Variants in SLC18A1 observed in about 807,000 individuals in gnomAD.
The protein encoded by SLC18A1 is solute carrier family 18 member A1.
Under a neutral mutation model 53.7 loss-of-function variants are expected in SLC18A1, and 69 were observed. The ratio of observed to expected loss-of-function variants is 1.28; its 90% confidence interval spans 1.06 to 1.57. The LOEUF (loss-of-function observed/expected upper bound fraction) is 1.57, where lower values mean the gene tolerates loss of function less well. Among genes scored for constraint, SLC18A1 ranks in the 40% most tolerant of loss-of-function variants. The probability of loss-of-function intolerance (pLI) is 0.00; values close to 1 mark genes in which losing one functional copy is unlikely to be tolerated. For synonymous variants in SLC18A1, 320 were observed against 248.1 expected (o/e 1.29, Z -2.72); for missense variants, 932 against 668.1 (o/e 1.40, Z -4.35).
At chr8:20,171,623 G>T (rs1373049586) in intron 6 of SLC18A1, 129 bp from the exon 7 acceptor site, 3 of 689,448 alleles carry the variant, frequency 4.4e-6, no homozygotes, top group Non-Finnish European at 7.8e-6. Flanking sequence ...GAGGCTCTGG[G>T]AATTCAGAGA....
At chr8:20,157,817 G>T (rs749841324) in intron 10 of SLC18A1, among the ~76,000 whole-genome samples, 5 of 152,100 alleles carry the variant, frequency 3.3e-5, no homozygotes, top group African/African-American at 4.8e-5. Flanking sequence ...GGGAGAAAAA[G>T]AAGGCCACCC....
chr8:20,160,098 C>A (rs537323899), intron 10 of SLC18A1, among the ~76,000 whole-genome samples: 2 of 152,066 alleles, frequency 1.3e-5, no homozygotes, highest in Non-Finnish European at 2.9e-5. Context: ...TGGCTGACAA[C>A]TTGTTTGCTT....
intron 12 of SLC18A1, 22 bp from the exon 13 acceptor site, chr8:20,148,092 G>T: frequency 1.2e-6 from 2 of 1,612,734 alleles, no homozygotes; most frequent in Admixed American, 1.7e-5. Flanking sequence ...AGGAGGAAGA[G>T]TCATCAGGAC....
intron 8 of SLC18A1, among the ~76,000 whole-genome samples, chr8:20,170,882 C>T (rs115937099): frequency 6.6e-6 from 1 of 152,110 alleles, no homozygotes; most frequent in African/African-American, 2.4e-5. Flanking sequence ...TTTGATTATG[C>T]ACAAGGTTCT....
At chr8:20,180,747 T>C in intron 2 of SLC18A1, 94 bp downstream of exon 2, 1 of 1,495,578 alleles carries the variant, frequency 6.7e-7, no homozygotes, top group Non-Finnish European at 9.1e-7. Context: ...AGGAAAATTC[T>C]CAGATGGATT....
At position 20,146,616 on chromosome 8, in the gene SLC18A1, A is replaced by T. The variant is rs74544980; in HGVS notation, c.1464+642T>A. Among the ~76,000 whole-genome samples, 895 of 152,240 alleles carry T rather than the reference A, an allele frequency of 5.9e-3. 6 individuals are homozygous for T. The highest frequency in any genetic ancestry group is 0.02 in the African/African-American group (829 of 41,528). On this transcript the variant is annotated intron_variant, in intron 15 of 15. Transcript: ENST00000276373. ...TCTTCCCTGGGGTTTTTGTACTTTT[A>T]AAAACGTGACCTGCTGACCAACATG...
chr8:20,168,990 T>A (rs1398863394), intron 8 of SLC18A1, among the ~76,000 whole-genome samples: 1 of 152,070 alleles, frequency 6.6e-6, no homozygotes, highest in Non-Finnish European at 1.5e-5. Flanking sequence ...AGTAGGAGAT[T>A]TATATGACTT....
At chr8:20,169,341 C>T (rs1454331630) in intron 8 of SLC18A1, among the ~76,000 whole-genome samples, 1 of 152,000 alleles carries the variant, frequency 6.6e-6, no homozygotes. Context: ...GAAAAAAAGA[C>T]TTCCATGGAA....
chr8:20,171,679 G>A (rs1175525844), intron 6 of SLC18A1, among the ~76,000 whole-genome samples, 185 bp from the exon 7 acceptor site: 1 of 144,550 alleles, frequency 6.9e-6, no homozygotes, highest in Non-Finnish European at 1.5e-5. Flanking sequence ...TCTAGTGGAG[G>A]AAGTGTGTGT....
intron 10 of SLC18A1, among the ~76,000 whole-genome samples, chr8:20,163,028 G>A (rs1393626809): frequency 6.6e-6 from 1 of 152,178 alleles, no homozygotes; most frequent in Non-Finnish European, 1.5e-5. Context: ...CAGAATACCA[G>A]AGTGCATGAT....
intron 1 of SLC18A1, among the ~76,000 whole-genome samples, chr8:20,182,551 A>G (rs554450060): frequency 2.6e-5 from 4 of 152,356 alleles, no homozygotes; most frequent in African/African-American, 4.8e-5. Flanking sequence ...TAAATATTCA[A>G]TAATGAGCTA....
rs1343876060 is a variant in SLC18A1 at position 20,165,124 on chromosome 8, C to CA, written c.859-18dup. 6.8e-6 allele frequency: 11 copies of CA among 1,608,744 alleles called. No homozygotes were observed. Among genetic ancestry groups the CA allele is most frequent in the African/African-American group, 2.7e-5 (2 of 74,738 alleles). ...CTTGGCACTCTGAGAACATGGATAA[C>CA]AAAAAATGTCCATTTGTACAGTGCA... is the stretch of plus-strand genomic sequence containing the variant. On this transcript the variant is annotated splice_polypyrimidine_tract_variant and intron_variant, in intron 8 of 15. Transcript: ENST00000276373.
At chr8:20,176,617 G>T (rs894803684) in intron 4 of SLC18A1, among the ~76,000 whole-genome samples, 8 of 152,060 alleles carry the variant, frequency 5.3e-5, no homozygotes, top group Non-Finnish European at 2.9e-5. Context: ...GGGGGGTGGA[G>T]GGTTTAAGGG....
At chr8:20,146,689 T>C (rs2071408860) in intron 15 of SLC18A1, among the ~76,000 whole-genome samples, 1 of 151,962 alleles carries the variant, frequency 6.6e-6, no homozygotes, top group Non-Finnish European at 1.5e-5. Context: ...CCAGACATGG[T>C]GGTACATGCC....
chr8:20,168,586 A>G (rs1044483010), intron 8 of SLC18A1, among the ~76,000 whole-genome samples: 2 of 151,970 alleles, frequency 1.3e-5, no homozygotes, highest in Non-Finnish European at 2.9e-5. Flanking sequence ...TGTTTTTTAG[A>G]GTATTTTTTT....
At chr8:20,146,242 T>C (rs1229642703) in intron 15 of SLC18A1, among the ~76,000 whole-genome samples, 1 of 151,938 alleles carries the variant, frequency 6.6e-6, no homozygotes, top group African/African-American at 2.4e-5. Context: ...TTTTTACCAA[T>C]CTCCTCATTC....
chr8:20,158,847 G>T (rs1006187236), intron 10 of SLC18A1, among the ~76,000 whole-genome samples: 2 of 152,038 alleles, frequency 1.3e-5, no homozygotes, highest in Non-Finnish European at 2.9e-5. Context: ...CTACATCCCT[G>T]TACATCCTGA....
chr8:20,169,876 C>T (rs1007499348), intron 8 of SLC18A1, among the ~76,000 whole-genome samples: 1 of 152,126 alleles, frequency 6.6e-6, no homozygotes, highest in African/African-American at 2.4e-5. Flanking sequence ...AAGACTCCGT[C>T]TCAAAAAAGT....
rs749535474 is a variant in SLC18A1 at position 20,179,222 on chromosome 8, T to C, written c.387A>G (p.Thr129=). 4 of 1,614,184 alleles carry C rather than the reference T, an allele frequency of 2.5e-6. No homozygotes were observed. In the East Asian group the frequency reaches 8.9e-5, roughly 36 times the overall value. ...GGGTAATCTCTTCCTCCAAGAAACC[T>C]GTGCCTTGCAAGCAGTTGTTTTTAT... is the stretch of plus-strand genomic sequence containing the variant. ...SAHKNNCLQG[T]GFLEEEITRV... is the part of the protein sequence containing the mutation. The change falls in exon 3 of 16, where the codon ACA becomes ACG. Residue 129 remains threonine (T), a synonymous_variant. Transcript: ENST00000276373.
Sources: allele counts gnomAD v4.1 joint callset (sites outside exome capture counted in the v4.1 genomes callset), GRCh38; gene constraint gnomAD v4.1.1; transcripts MANE v1.5; gene names NCBI Gene and HGNC (gene_info 2026-07-23, HGNC 2026-07-21).